The following CPNE1 variants were observed in gnomAD, a reference collection of about 807,000 sequenced individuals.
CPNE1 encodes the protein copine-1.
CPNE1 carries 58 observed loss-of-function variants against 63.2 expected under a neutral mutation model. That is an observed-to-expected ratio of 0.92 (90% CI 0.74 to 1.14). CPNE1 has a LOEUF of 1.14. CPNE1 is among the 50% of genes most tolerant of loss of function. The probability of loss-of-function intolerance (pLI) is 0.00; values close to 1 mark genes in which losing one functional copy is unlikely to be tolerated. For missense variants in CPNE1, 672 were observed against 661.7 expected (o/e 1.02, Z -0.17); for synonymous variants, 237 against 249.0 (o/e 0.95, Z 0.45).
chr20:35,631,156 G>C lies in CPNE1; in HGVS notation c.819C>G (p.Ser273=). 6.2e-7 allele frequency: 1 copy of C among 1,614,142 alleles called. No homozygotes were observed. Among genetic ancestry groups the C allele is most frequent in the Non-Finnish European group, 8.5e-7 (1 of 1,180,018 alleles). ...VKICRVETEY[S]FLDYVMGGCQ... is the part of the protein sequence containing the mutation. ...AGCCTCCCATCACATAGTCCAGAAA[G>C]GAGTACTCTGTTTCTACCTGCAAAT... Residue 273 remains serine (S), a synonymous_variant, in exon 10 of 16, where the codon TCC becomes TCG. Coordinates refer to ENST00000397443, the MANE Select transcript of CPNE1 (RefSeq NM_152925.3).
intron 1 of CPNE1, among the ~76,000 whole-genome samples, chr20:35,636,773 AAATAAT>A (rs751761756): frequency 2.0e-5 from 3 of 151,916 alleles, no homozygotes; most frequent in Admixed American, 2.0e-4. Context: ...ACTCCATCTC[AAATAAT>A]AATAATAATA....
At chr20:35,637,995 T>C (rs1307838734) in intron 1 of CPNE1, among the ~76,000 whole-genome samples, 1 of 152,202 alleles carries the variant, frequency 6.6e-6, no homozygotes, top group Non-Finnish European at 1.5e-5. Flanking sequence ...CACAGCAGTA[T>C]CTATCTATCC....
chr20:35,626,576 C>CA lies in CPNE1; in HGVS notation c.1463_1464insT (p.Phe489ValfsTer81). On this transcript the variant is annotated frameshift_variant, in exon 15 of 16. Coordinates refer to ENST00000397443, the MANE Select transcript of CPNE1 (RefSeq NM_152925.3). LOFTEE classifies it high-confidence loss of function. Reference sequence around the variant, plus strand: ...ATTTGCACCTACTCACATTCTGGAACCGGCGGTAGGGTACAAACTGCACAA... The same window carrying CA: ...ATTTGCACCTACTCACATTCTGGAACACGGCGGTAGGGTACAAACTGCACAA... 1.9e-6 allele frequency: 3 copies of CA among 1,613,950 alleles called. No homozygotes were observed. Among genetic ancestry groups the CA allele is most frequent in the Non-Finnish European group, 2.5e-6 (3 of 1,179,800 alleles).
chr20:35,644,038 C>G (rs900428896), intron 1 of CPNE1, among the ~76,000 whole-genome samples: 2 of 152,078 alleles, frequency 1.3e-5, no homozygotes, highest in Non-Finnish European at 2.9e-5. Flanking sequence ...TTATTTTTCT[C>G]TGCCTGGATT....
rs2032211795 is a variant in CPNE1, at chr20:35,632,370, C to A, written c.325G>T (p.Val109Leu). ...CSLGQIVSSQVLTLPLMLKPG... is the reference protein window; with the variant it reads ...CSLGQIVSSQLLTLPLMLKPG... ...TTCAGCATCAAGGGGAGAGTCAGTACCTGGCTGGACACAATCTGGGGAAAA... is the reference window on the plus strand; with the variant it reads ...TTCAGCATCAAGGGGAGAGTCAGTAACTGGCTGGACACAATCTGGGGAAAA... The change falls in exon 4 of 16, where the codon GTA (valine) becomes TTA (leucine). Residue 109 changes from valine to leucine, a missense_variant. By Grantham distance (32) the Val-to-Leu change is conservative. Transcript: ENST00000397443. 6.2e-7 allele frequency: 1 copy of A among 1,613,696 alleles called. No homozygotes were observed. The highest frequency in any genetic ancestry group is 1.7e-5 in the Admixed American group (1 of 59,972).
intron 1 of CPNE1, chr20:35,655,409 A>T: frequency 7.4e-7 from 1 of 1,350,388 alleles, no homozygotes; most frequent in Non-Finnish European, 1.0e-6. Flanking sequence ...TTTTAGCTAC[A>T]AGAATGACCA....
At chr20:35,654,502 G>T (rs866481786) in intron 1 of CPNE1, 1 of 1,614,092 alleles carries the variant, frequency 6.2e-7, no homozygotes, top group Non-Finnish European at 8.5e-7. Flanking sequence ...AAGAAACATA[G>T]GATTCAGATT....
At chr20:35,626,843 T>C (rs368946447) in intron 14 of CPNE1, 40 bp from the exon 15 acceptor site, 2 of 1,526,510 alleles carry the variant, frequency 1.3e-6, no homozygotes, top group Non-Finnish European at 1.8e-6. Context: ...CAGATCCTCC[T>C]CCTAAACCCC....
intron 1 of CPNE1, chr20:35,647,341 G>A (rs891460927): frequency 3.4e-5 from 5 of 146,404 alleles, no homozygotes; most frequent in Non-Finnish European, 1.5e-5. Context: ...AAAAAAGAGC[G>A]CTTCACAAAT....
chr20:35,635,229 T>C (rs1350583792), intron 1 of CPNE1, among the ~76,000 whole-genome samples: 1 of 152,134 alleles, frequency 6.6e-6, no homozygotes, highest in East Asian at 1.9e-4. Context: ...TCAACCCCAC[T>C]GCCCCTGGCA....
In CPNE1 at chr20:35,627,300, C is replaced by T. The variant is rs73905908; in HGVS notation, c.1216G>A (p.Ala406Thr). Residue 406 changes from alanine to threonine, a missense_variant, in exon 14 of 16, where the codon GCA becomes ACA. Coordinates refer to ENST00000397443, the MANE Select transcript of CPNE1 (RefSeq NM_152925.3). ...CTCACCGAGGCAGTCCCCTGATGTG[C>T]AGCCTGGGCTGCAAACCTGGCCACA... ...NHVARFAAQAAHQGTASQYFM... is the reference protein window; with the variant it reads ...NHVARFAAQATHQGTASQYFM... 7.1e-4 allele frequency: 1,150 copies of T among 1,612,240 alleles called. 9 individuals are homozygous for T. In the African/African-American group the frequency reaches 0.012, roughly 17 times the overall value.
chr20:35,628,226 A>G (rs2146276639), intron 13 of CPNE1, among the ~76,000 whole-genome samples: 1 of 152,118 alleles, frequency 6.6e-6, no homozygotes, highest in East Asian at 1.9e-4. Flanking sequence ...TGGAGCTTGC[A>G]GTGAGCCAAG....
intron 1 of CPNE1, among the ~76,000 whole-genome samples, chr20:35,658,537 G>A (rs1464678866): frequency 6.6e-6 from 1 of 152,020 alleles, no homozygotes; most frequent in African/African-American, 2.4e-5. Flanking sequence ...AAGGCAGGTG[G>A]ATCACAAGGT....
In CPNE1 at chr20:35,626,093, G is replaced by A. The variant is rs779348220; in HGVS notation, c.*148C>T. The A allele has an allele frequency of 2.4e-6, 2 of 833,616 alleles. No individual in the cohort carries two copies. The highest frequency in any genetic ancestry group is 1.7e-5 in the African/African-American group (1 of 58,946). 51.6% of individuals were successfully genotyped at this position (833,616 alleles called of 1,614,324 possible). On this transcript the variant is annotated 3_prime_UTR_variant, in exon 16 of 16. Coordinates refer to ENST00000397443, the MANE Select transcript of CPNE1 (RefSeq NM_152925.3). Reference sequence around the variant, plus strand: ...ATGAGGGTTGTCAGGAGCAAAGGTGGGATCAAGAGCAGCAAAAGCAGAAAC... The same window carrying A: ...ATGAGGGTTGTCAGGAGCAAAGGTGAGATCAAGAGCAGCAAAAGCAGAAAC...
intron 1 of CPNE1, among the ~76,000 whole-genome samples, chr20:35,646,388 G>A (rs2033101812): frequency 7.0e-6 from 1 of 142,070 alleles, no homozygotes; most frequent in South Asian, 2.3e-4. Flanking sequence ...TAAGTGACAA[G>A]GCTTTTTTTT....
At chr20:35,654,140 T>C in intron 1 of CPNE1, 4 of 1,614,242 alleles carry the variant, frequency 2.5e-6, no homozygotes, top group Non-Finnish European at 3.4e-6. Context: ...GAAGGTCCCA[T>C]ATTTTGCTTA....
intron 5 of CPNE1, 28 bp downstream of exon 5, chr20:35,632,135 G>C: frequency 1.2e-6 from 2 of 1,611,856 alleles, no homozygotes; most frequent in Non-Finnish European, 8.5e-7. Flanking sequence ...TTAACTCTTG[G>C]ATTACCAGGG....
chr20:35,628,108 C>T (rs939295064), intron 13 of CPNE1, among the ~76,000 whole-genome samples: 2 of 151,540 alleles, frequency 1.3e-5, no homozygotes, highest in Non-Finnish European at 2.9e-5. Flanking sequence ...AGTGAAACCC[C>T]GTCTCTACTA....
intron 1 of CPNE1, chr20:35,655,433 GCCCTCAAATATT>G: frequency 8.9e-7 from 1 of 1,118,572 alleles, no homozygotes; most frequent in Non-Finnish European, 1.2e-6. Flanking sequence ...ACCATATTAG[GCCCTCAAATATT>G]CCCTCAAGCT....
Sources: gnomAD v4.1 joint callset for allele counts (sites outside exome capture counted in the v4.1 genomes callset) on GRCh38, gnomAD v4.1.1 for gene constraint, MANE v1.5 for transcripts, NCBI Gene and HGNC (gene_info 2026-07-23, HGNC 2026-07-21) for gene names.